The following IKZF1 variants were observed in gnomAD, a reference collection of about 807,000 sequenced individuals.
IKZF1 encodes the protein DNA-binding protein Ikaros.
Under a neutral mutation model 51.7 loss-of-function variants are expected in IKZF1, and 10 were observed. The ratio of observed to expected loss-of-function variants is 0.19; its 90% CI spans 0.12 to 0.33. IKZF1 has a LOEUF of 0.33. IKZF1 is among the 10% of genes least tolerant of loss of function. The probability of loss-of-function intolerance (pLI) is 1.00; values close to 1 mark genes in which losing one functional copy is unlikely to be tolerated. For missense variants in IKZF1, 484 were observed against 707.5 expected, an observed-to-expected ratio of 0.68 and a Z score of 3.58; for synonymous variants, 280 against 282.3, an observed-to-expected ratio of 0.99 and a Z score of 0.08.
At chr7:50,343,187 C>G (rs1584622007) in intron 3 of IKZF1, among the ~76,000 whole-genome samples, 1 of 104,654 alleles carries the variant, frequency 9.6e-6, no homozygotes, top group Non-Finnish European at 1.9e-5. Flanking sequence ...TCCCTCCCTT[C>G]CCCTCGTCTC....
Position 50,327,743 on chromosome 7 carries a change from G to A in IKZF1, c.146G>A (p.Ser49Asn), listed in dbSNP as rs1255711584. ...TCGGGAGGACAGCAAAGCTCCAAGA[G>A]TGACAGAGTCGTGGGTAAGTGGGTC... ...TTSGGQQSSK[S>N]DRVVASNVKV... The change falls in exon 3 of 8, where the codon AGT becomes AAT. Residue 49 changes from serine (S) to asparagine (N), a missense_variant. Coordinates refer to ENST00000331340, the MANE Select transcript of IKZF1 (RefSeq NM_006060.6). 1.2e-6 allele frequency: 2 copies of A among 1,612,866 alleles called. No homozygotes were observed. Among genetic ancestry groups the A allele is most frequent in the Admixed American group, 1.7e-5 (1 of 59,854 alleles).
chr7:50,370,004 C>CTATA (rs60653702), intron 3 of IKZF1, among the ~76,000 whole-genome samples: 1 of 152,166 alleles, frequency 6.6e-6, no homozygotes, highest in African/African-American at 2.4e-5. Flanking sequence ...ACAAAAATAT[C>CTATA]TATATATATA....
At chr7:50,374,070 C>T (rs1809522365) in intron 3 of IKZF1, among the ~76,000 whole-genome samples, 1 of 152,224 alleles carries the variant, frequency 6.6e-6, no homozygotes, top group Non-Finnish European at 1.5e-5. Flanking sequence ...TGTTAATCCT[C>T]TGGTGCATCC....
At chr7:50,358,678 G>T (rs1229124729) in intron 3 of IKZF1, among the ~76,000 whole-genome samples, 2 of 152,186 alleles carry the variant, frequency 1.3e-5, no homozygotes, top group Non-Finnish European at 2.9e-5. Context: ...ACAAGCCAAG[G>T]CTTTATTGTA....
rs1343427256 is a variant in IKZF1 at position 50,403,241 on chromosome 7, C to T, written c.*2614C>T. 4.5e-6 allele frequency: 1 copy of T among 220,352 alleles called. No homozygotes were observed. The highest frequency in any genetic ancestry group is 9.1e-6 in the Non-Finnish European group (1 of 109,992). 13.6% of individuals were successfully genotyped at this position (220,352 alleles called of 1,614,324 possible). ...TCATATTATGTCAGCAAGTAATTAA[C>T]TTATGTTTAAAAGGTGGCCATATCA... On this transcript the variant is annotated 3_prime_UTR_variant, in exon 8 of 8. Transcript: ENST00000331340.
chr7:50,358,451 G>A (rs774028226), intron 3 of IKZF1, among the ~76,000 whole-genome samples: 7 of 152,352 alleles, frequency 4.6e-5, no homozygotes, highest in Admixed American at 6.5e-5. Context: ...TTTCCTGAGC[G>A]CCAGCTAATG....
chr7:50,384,220 T>C (rs1812695169), intron 5 of IKZF1, among the ~76,000 whole-genome samples: 1 of 152,224 alleles, frequency 6.6e-6, no homozygotes, highest in Non-Finnish European at 1.5e-5. Context: ...GGCACCCATG[T>C]TGGCAAGAAC....
In IKZF1 at chr7:50,376,886, A is replaced by G; in HGVS notation, c.421+93A>G. ...ATCCTGTCTTCCTTGTGTTCTGAGCATGTTTCTAATTGACTGGTAGCTCAG... is the reference window on the plus strand; with the variant it reads ...ATCCTGTCTTCCTTGTGTTCTGAGCGTGTTTCTAATTGACTGGTAGCTCAG... On this transcript the variant is annotated intron_variant, in intron 4 of 7. Transcript: ENST00000331340. This position sits in a 1 kb window ranked among gnomAD's most constrained non-coding sequence, Gnocchi z 4.5. 11 of 1,521,754 alleles carry G rather than the reference A, an allele frequency of 7.2e-6. No homozygotes were observed. Among genetic ancestry groups the G allele is most frequent in the Non-Finnish European group, 7.9e-6 (9 of 1,135,214 alleles). 94.3% of individuals were successfully genotyped at this position (1,521,754 alleles called of 1,614,324 possible).
In IKZF1 at chr7:50,400,137, G is replaced by T. The variant is rs751623054; in HGVS notation, c.1070G>T (p.Gly357Val). The change falls in exon 8 of 8, where the codon GGC (glycine) becomes GTC (valine). Residue 357 changes from glycine (G) to valine (V), a missense_variant. Physicochemically the swap from Gly to Val is moderately radical, Grantham distance 109. Transcript: ENST00000331340. The surrounding 1 kb of genome is among the most constrained non-coding windows in gnomAD (Gnocchi z 5.4). ...CAGCTGCACAAGCCGCTCGCGGAGG[G>T]CACCCCGCGCTCCAACCACTCGGCC... ...MYQLHKPLAE[G>V]TPRSNHSAQD... is the part of the protein sequence containing the mutation. The T allele has an allele frequency of 6.4e-7, 1 of 1,561,338 alleles. No individual in the cohort carries two copies.
chr7:50,342,274 T>C (rs1252649164), intron 3 of IKZF1, among the ~76,000 whole-genome samples: 1 of 152,224 alleles, frequency 6.6e-6, no homozygotes, highest in African/African-American at 2.4e-5. Flanking sequence ...GTAACGAGAA[T>C]ACAACAACAT....
upstream of IKZF1, among the ~76,000 whole-genome samples, chr7:50,303,505 C>T (rs538445429): frequency 2.0e-5 from 3 of 152,346 alleles, no homozygotes; most frequent in African/African-American, 7.2e-5. The surrounding 1 kb of genome is among the most constrained non-coding windows in gnomAD (Gnocchi z 4.7). Flanking sequence ...ATCCTAACTT[C>T]TGCCGTGAGC....
intron 3 of IKZF1, among the ~76,000 whole-genome samples, chr7:50,365,226 G>A (rs186330093): frequency 3.9e-5 from 6 of 152,318 alleles, no homozygotes; most frequent in Admixed American, 3.9e-4. Flanking sequence ...ATAATTACCT[G>A]TCCAGCTAGA....
chr7:50,364,037 A>C (rs1469015948), intron 3 of IKZF1, among the ~76,000 whole-genome samples: 1 of 152,190 alleles, frequency 6.6e-6, no homozygotes, highest in Non-Finnish European at 1.5e-5. Context: ...TTTTTTCTAA[A>C]TTTTATAAAT....
At chr7:50,323,937 A>T (rs930057889) in intron 2 of IKZF1, among the ~76,000 whole-genome samples, 4 of 152,188 alleles carry the variant, frequency 2.6e-5, no homozygotes, top group African/African-American at 7.2e-5. Flanking sequence ...AAGGAGTCTT[A>T]AAAAAGGGAC....
intron 3 of IKZF1, among the ~76,000 whole-genome samples, chr7:50,373,271 C>A (rs1562855332): frequency 6.6e-6 from 1 of 152,232 alleles, no homozygotes; most frequent in Non-Finnish European, 1.5e-5. Context: ...CTGCTCCCCA[C>A]CTGCAAGCGC....
chr7:50,305,295 T>C (rs796226457), intron 1 of IKZF1, among the ~76,000 whole-genome samples: 1 of 152,210 alleles, frequency 6.6e-6, no homozygotes, highest in South Asian at 2.1e-4. Flanking sequence ...CTTTTTATAC[T>C]ATAAATATGA....
intron 3 of IKZF1, among the ~76,000 whole-genome samples, chr7:50,375,723 C>G (rs1489201925): frequency 7.1e-6 from 1 of 140,010 alleles, no homozygotes; most frequent in African/African-American, 2.7e-5. Flanking sequence ...CCCCCACCCA[C>G]CACCCAACAA....
At chr7:50,304,705 G>A (rs932569382), upstream of IKZF1, 2 of 151,984 alleles carry the variant, frequency 1.3e-5, no homozygotes, top group African/African-American at 4.8e-5. Context: ...CCGCGGCCAA[G>A]TTAGCAGGAC....
intron 3 of IKZF1, among the ~76,000 whole-genome samples, chr7:50,336,166 G>T (rs1164824245): frequency 6.6e-6 from 1 of 152,152 alleles, no homozygotes; most frequent in Non-Finnish European, 1.5e-5. Flanking sequence ...GGCCAGGCTG[G>T]GTCCCCGGAG....
Sources: allele counts gnomAD v4.1 joint callset (sites outside exome capture counted in the v4.1 genomes callset), GRCh38; gene constraint gnomAD v4.1.1; non-coding constraint Gnocchi (gnomAD v3.1); transcripts MANE v1.5; gene names NCBI Gene and HGNC (gene_info 2026-07-23, HGNC 2026-07-21).